Variants in PCNX1 observed in about 807,000 individuals in gnomAD.
The protein encoded by PCNX1 is pecanex-like protein 1.
A neutral mutation model predicts 242.2 loss-of-function variants in PCNX1; 78 were observed. That is an observed-to-expected ratio of 0.32 (90% CI 0.27 to 0.39). The LOEUF (loss-of-function observed/expected upper bound fraction) is 0.39, where lower values mean the gene tolerates loss of function less well. Among genes scored for constraint, PCNX1 ranks in the 10% least tolerant of loss-of-function variants. The probability of loss-of-function intolerance (pLI) is 1.00; values close to 1 mark genes in which losing one functional copy is unlikely to be tolerated. For synonymous variants in PCNX1, 1,024 were observed against 1,032.9 expected, an observed-to-expected ratio of 0.99 and a Z score of 0.17; for missense variants, 2,581 against 2,856.5, an observed-to-expected ratio of 0.90 and a Z score of 2.20.
At chr14:71,089,403 T>G in intron 30 of PCNX1, 61 bp downstream of exon 30, 1 of 1,262,926 alleles carries the variant, frequency 7.9e-7, no homozygotes, top group Non-Finnish European at 1.1e-6. Context: ...TTCACATGAT[T>G]TCAATATTAG....
Position 71,102,607 on chromosome 14 carries a change from G to GA in PCNX1, c.5820+395dup, listed in dbSNP as rs199737244. Among the ~76,000 whole-genome samples, 1,373 of 151,576 alleles carry GA rather than the reference G, an allele frequency of 9.1e-3. 10 individuals carry two copies. Among genetic ancestry groups the GA allele is most frequent in the Non-Finnish European group, 0.012 (846 of 67,856 alleles). On this transcript the variant is annotated intron_variant, in intron 31 of 35. Coordinates refer to ENST00000304743, the MANE Select transcript of PCNX1 (RefSeq NM_014982.3). ...AAAAGTAATTGAAAGTTTTTTCACA[G>GA]AAAAAAAATGTGATGACCATATTAC...
intron 15 of PCNX1, among the ~76,000 whole-genome samples, chr14:71,028,299 A>G (rs1431766134): frequency 3.9e-5 from 6 of 151,998 alleles, no homozygotes; most frequent in South Asian, 2.1e-4. Context: ...TGGGGGTAAC[A>G]CAGGTTCTGT....
Position 70,907,675 on chromosome 14 carries a change from C to A in PCNX1, c.-176C>A. 2 of 701,158 alleles carry A rather than the reference C, an allele frequency of 2.9e-6. No individual in the cohort carries two copies. The highest frequency in any genetic ancestry group is 3.8e-6 in the Non-Finnish European group (2 of 532,980). The allele number at this position is 701,158 out of a possible 1,614,324, so 43.4% of individuals were successfully genotyped here. A position where few individuals can be genotyped will look rare whatever the true frequency, so the allele number is the denominator to read the frequency against. ...TCTCGGGTCTCCTCCTCCTCGTTTGCTGCCTCCTCCTCCTCCTGCAGCAGC... is the reference window on the plus strand; with the variant it reads ...TCTCGGGTCTCCTCCTCCTCGTTTGATGCCTCCTCCTCCTCCTGCAGCAGC... On this transcript the variant is annotated 5_prime_UTR_variant, in exon 1 of 36. In the 5' UTR this introduces an upstream ATG that the reference lacks. Transcript: ENST00000304743.
chr14:71,058,906 A>T (rs981024938), intron 26 of PCNX1, among the ~76,000 whole-genome samples: 1 of 152,152 alleles, frequency 6.6e-6, no homozygotes, highest in African/African-American at 2.4e-5. Flanking sequence ...CCTTAACTCC[A>T]TCTCTTCCAG....
At chr14:71,051,375 C>T (rs1177569802) in intron 23 of PCNX1, among the ~76,000 whole-genome samples, 1 of 151,836 alleles carries the variant, frequency 6.6e-6, no homozygotes, top group Non-Finnish European at 1.5e-5. Flanking sequence ...TTAATACATA[C>T]AAGAAATGTT....
chr14:70,994,396 G>GATATATATATATATATATATATATATAT lies in PCNX1; in HGVS notation c.2445-1338_2445-1311dup, dbSNP rs35068772. Among the ~76,000 whole-genome samples, 118 of 96,882 alleles carry GATATATATATATATATATATATATATAT rather than the reference G, an allele frequency of 1.2e-3. 5 individuals carry two copies. The highest frequency in any genetic ancestry group is 2.5e-3 in the South Asian group (6 of 2,412). The allele number at this position is 96,882 out of a possible 152,430, so 63.6% of individuals were successfully genotyped here. ...TCTATTATCATAACCACAGGCTTAA[G>GATATATATATATATATATATATATATAT]ATATATATATATATATATATATATA... On this transcript the variant is annotated intron_variant, in intron 7 of 35. Transcript: ENST00000304743.
chr14:70,969,183 A>G (rs368163001), intron 5 of PCNX1, 73 bp downstream of exon 5: 9 of 842,758 alleles, frequency 1.1e-5, no homozygotes, highest in Middle Eastern at 2.2e-4. Context: ...TATGCTGCAT[A>G]CAATTTGGCA....
rs1351856698 is a variant in PCNX1 at position 70,947,114 on chromosome 14, A to G, written c.353A>G (p.Asn118Ser). 3.7e-6 allele frequency: 6 copies of G among 1,608,388 alleles called. No individual in the cohort carries two copies. The highest frequency in any genetic ancestry group is 3.3e-5 in the South Asian group (3 of 90,296). The stretch of plus-strand genomic sequence containing the variant: ...TGTTCAACCAGGAGAAAAGACAGCA[A>G]TGGACCGAGGTAAGGAAACCTATGT... ...GNCSTRRKDSNGPSDPGGGIE... is the reference protein window; with the variant it reads ...GNCSTRRKDSSGPSDPGGGIE... Residue 118 changes from asparagine (N) to serine (S), a missense_variant, in exon 2 of 36, where the codon AAT (asparagine) becomes AGT (serine). Physicochemically the swap from Asn to Ser is conservative, Grantham distance 46. Around this residue, in one of 9 missense-constraint regions of PCNX1, gnomAD observed 1,204 missense variants for 1,216.7 expected, o/e 0.99. Transcript: ENST00000304743.
chr14:71,092,072 G>A (rs2141686638), intron 30 of PCNX1, among the ~76,000 whole-genome samples: 1 of 152,280 alleles, frequency 6.6e-6, no homozygotes, highest in Admixed American at 6.5e-5. Context: ...CCACGAAACA[G>A]AGAAAAGTCA....
chr14:71,081,007 G>A (rs2061840454), intron 28 of PCNX1, among the ~76,000 whole-genome samples: 1 of 152,118 alleles, frequency 6.6e-6, no homozygotes, highest in African/African-American at 2.4e-5. Flanking sequence ...CTGTGGGTTT[G>A]TCATAAATAG....
intron 8 of PCNX1, among the ~76,000 whole-genome samples, chr14:70,998,094 T>A (rs1182694213): frequency 6.6e-6 from 1 of 152,226 alleles, no homozygotes; most frequent in African/African-American, 2.4e-5. Flanking sequence ...TGCATATGTT[T>A]GTGTATGTAC....
At chr14:70,962,061 T>G (rs1180837873) in intron 2 of PCNX1, among the ~76,000 whole-genome samples, 165 bp from the exon 3 acceptor site, 1 of 152,150 alleles carries the variant, frequency 6.6e-6, no homozygotes, top group Non-Finnish European at 1.5e-5. Context: ...GTATCAGACT[T>G]GTAAATGAAG....
At position 70,947,494 on chromosome 14, in the gene PCNX1, CT is replaced by C. The variant is rs1315351495; in HGVS notation, c.362+374del. ...TACTTTTATAATTTCTTACGCCTGT[CT>C]TTACTGCAGTCTCTGAACATAAATT... On this transcript the variant is annotated intron_variant, in intron 2 of 35. Transcript: ENST00000304743. Among the ~76,000 whole-genome samples, 12 of 152,314 alleles carry C rather than the reference CT, an allele frequency of 7.9e-5. No individual in the cohort carries two copies. The South Asian group carries it at 2.5e-3, about 32-fold the overall frequency.
chr14:71,056,413 A>G (rs1157971065), intron 25 of PCNX1, among the ~76,000 whole-genome samples: 1 of 152,208 alleles, frequency 6.6e-6, no homozygotes, highest in Non-Finnish European at 1.5e-5. Context: ...ACCAAAGGCC[A>G]TGCCCTGAAT....
At chr14:70,966,894 T>C (rs1172816923) in intron 3 of PCNX1, among the ~76,000 whole-genome samples, 1 of 152,244 alleles carries the variant, frequency 6.6e-6, no homozygotes, top group Non-Finnish European at 1.5e-5. Flanking sequence ...AATGAAACTT[T>C]TGCGATAAAA....
rs777710985 is a variant in PCNX1, at chr14:70,988,638, C to T, written c.2383C>T (p.Arg795Cys). The change falls in exon 7 of 36, where the codon CGC (arginine) becomes TGC (cysteine). Residue 795 changes from arginine to cysteine, a missense_variant. Coordinates refer to ENST00000304743, the MANE Select transcript of PCNX1 (RefSeq NM_014982.3). ...RSTFRRQAVR[R>C]RHNAGSNPTP... ...CACATTTAGGCGCCAGGCAGTACGG[C>T]GCCGGCACAATGCAGGGAGTAACCC... The T allele has an allele frequency of 3.7e-6, 6 of 1,613,956 alleles. No homozygotes were observed. The highest frequency in any genetic ancestry group is 2.2e-5 in the South Asian group (2 of 91,092).
chr14:71,049,815 T>G (rs940254053), intron 22 of PCNX1, among the ~76,000 whole-genome samples: 2 of 152,214 alleles, frequency 1.3e-5, no homozygotes, highest in Non-Finnish European at 2.9e-5. Flanking sequence ...TTTTAAAGGA[T>G]GAGGTGATTG....
chr14:70,907,544 G>A lies in PCNX1; in HGVS notation c.-307G>A, dbSNP rs1259164467. 1 of 158,256 alleles carries A rather than the reference G, an allele frequency of 6.3e-6. No individual in the cohort carries two copies. The highest frequency in any genetic ancestry group is 1.4e-5 in the Non-Finnish European group (1 of 72,784). 9.8% of individuals were successfully genotyped at this position (158,256 alleles called of 1,614,324 possible). Reference sequence around the variant, plus strand: ...GCGCTGGCGGGCCGCGGGTGGCGGGGGCCGGGCCGCGGCTCCGGGTGTTAG... The same window carrying A: ...GCGCTGGCGGGCCGCGGGTGGCGGGAGCCGGGCCGCGGCTCCGGGTGTTAG... On this transcript the variant is annotated 5_prime_UTR_variant, in exon 1 of 36. Coordinates refer to ENST00000304743, the MANE Select transcript of PCNX1 (RefSeq NM_014982.3).
chr14:70,953,419 A>G (rs962114247), intron 2 of PCNX1, among the ~76,000 whole-genome samples: 2 of 151,464 alleles, frequency 1.3e-5, no homozygotes, highest in Non-Finnish European at 2.9e-5. Flanking sequence ...ATGCTCATTT[A>G]TGTTTTGTTT....
Sources: gnomAD v4.1 joint callset for allele counts (sites outside exome capture counted in the v4.1 genomes callset) on GRCh38, gnomAD v4.1.1 for gene constraint, gnomAD v4.1.1 regional missense constraint, MANE v1.5 for transcripts, NCBI Gene and HGNC (gene_info 2026-07-23, HGNC 2026-07-21) for gene names.